The following LTBP3 variants were observed in gnomAD, a reference collection of about 807,000 sequenced individuals.
LTBP3 encodes latent transforming growth factor beta binding protein 3, also known as latent-transforming growth factor beta-binding protein 3.
Under a neutral mutation model 159.7 loss-of-function variants are expected in LTBP3, and 97 were observed. That is an observed-to-expected ratio of 0.61 (90% CI 0.52 to 0.72). The LOEUF is 0.72. LTBP3 is among the 30% of genes least tolerant of loss of function. The probability of loss-of-function intolerance (pLI) is 0.00; values close to 1 mark genes in which losing one functional copy is unlikely to be tolerated. For synonymous variants in LTBP3, 824 were observed against 777.1 expected (o/e 1.06, Z -1.00); for missense variants, 1,584 against 1,864.3 (o/e 0.85, Z 2.77).
chr11:65,549,759 A>AG (rs1451064317), intron 11 of LTBP3, among the ~76,000 whole-genome samples: 24 of 142,454 alleles, frequency 1.7e-4, no homozygotes, highest in Non-Finnish European at 2.2e-4. Context: ...CAGGCCGGGA[A>AG]AAAAAAAAAA....
Position 65,553,975 on chromosome 11 carries a change from G to T in LTBP3, c.662-72C>A. On this transcript the variant is annotated intron_variant, in intron 2 of 27. Coordinates refer to ENST00000301873, the MANE Select transcript of LTBP3 (RefSeq NM_001130144.3). This position sits in a 1 kb window ranked among gnomAD's most constrained non-coding sequence, Gnocchi z 6.5. ...GGTCACCGCGCTGAGCTCCTCCAGG[G>T]CTGAACCTGCCCTGCCCTGGCCACC... The T allele has an allele frequency of 6.4e-7, 1 of 1,569,716 alleles. No individual in the cohort carries two copies. The highest frequency in any genetic ancestry group is 8.6e-7 in the Non-Finnish European group (1 of 1,159,318).
Position 65,557,906 on chromosome 11 carries a change from C to T in LTBP3, c.54G>A (p.Ala18=). 7.9e-7 allele frequency: 1 copy of T among 1,270,438 alleles called. No individual in the cohort carries two copies. Among genetic ancestry groups the T allele is most frequent in the South Asian group, 2.2e-5 (1 of 46,470 alleles). 78.7% of individuals were successfully genotyped at this position (1,270,438 alleles called of 1,614,324 possible). A position where few individuals can be genotyped will look rare whatever the true frequency, so the allele number is the denominator to read the frequency against. The stretch of plus-strand genomic sequence containing the variant: ...GCAGCGCCAGCAGCCCCGCCGCCCC[C>T]GCCCCGCGCATCTCAGGGGCCAGGC... The part of the protein sequence containing the change: ...AGGLAPEMRG[A]GAAGLLALLL... Residue 18 remains alanine (A), a synonymous_variant, in exon 1 of 28, where the codon GCG becomes GCA. Coordinates refer to ENST00000301873, the MANE Select transcript of LTBP3 (RefSeq NM_001130144.3).
At chr11:65,555,977 C>G (rs753397212) in intron 1 of LTBP3, among the ~76,000 whole-genome samples, 1 of 152,120 alleles carries the variant, frequency 6.6e-6, no homozygotes, top group Non-Finnish European at 1.5e-5. Flanking sequence ...GTGTCCTGGG[C>G]GGGGGGAGGT....
chr11:65,538,722 A>G lies in LTBP3; in HGVS notation c.*358T>C. ...ATTTCACACCCCTTGTGCCGGGCTC[A>G]GTCTAGCCCCTGGGAGGCGGCTGGG... is the stretch of plus-strand genomic sequence containing the variant. On this transcript the variant is annotated 3_prime_UTR_variant, in exon 28 of 28. Transcript: ENST00000301873. The G allele has an allele frequency of 2.7e-6, 3 of 1,107,164 alleles. No homozygotes were observed. Among genetic ancestry groups the G allele is most frequent in the Non-Finnish European group, 2.5e-6 (2 of 800,638 alleles). The allele number at this position is 1,107,164 out of a possible 1,614,324, so 68.6% of individuals were successfully genotyped here.
chr11:65,547,612 G>C lies in LTBP3; in HGVS notation c.1979-45C>G. The stretch of plus-strand genomic sequence containing the variant: ...CACGAAGGGGGTGTAGGAGGCGGCG[G>C]GCAAGGGGAGGGATTACACGGCGGT... On this transcript the variant is annotated intron_variant, in intron 13 of 27. Coordinates refer to ENST00000301873, the MANE Select transcript of LTBP3 (RefSeq NM_001130144.3). This position sits in a 1 kb window ranked among gnomAD's most constrained non-coding sequence, Gnocchi z 4.6. 6.2e-7 allele frequency: 1 copy of C among 1,610,870 alleles called. No homozygotes were observed. The highest frequency in any genetic ancestry group is 1.1e-5 in the South Asian group (1 of 91,040).
Position 65,538,905 on chromosome 11 carries a change from C to T in LTBP3, c.*175G>A. The T allele has an allele frequency of 2.4e-6, 3 of 1,239,464 alleles. No individual in the cohort carries two copies. The highest frequency in any genetic ancestry group is 3.1e-6 in the Non-Finnish European group (3 of 964,242). The allele number at this position is 1,239,464 out of a possible 1,614,324, so 76.8% of individuals were successfully genotyped here. A position where few individuals can be genotyped will look rare whatever the true frequency, so the allele number is the denominator to read the frequency against. On this transcript the variant is annotated 3_prime_UTR_variant, in exon 28 of 28. Transcript: ENST00000301873. ...CGCCCGCCGGAGACCTTACAACCGC[C>T]CGCTAACCGGGGAGGGGGGCCGGTA...
rs764625252 is a variant in LTBP3, at chr11:65,538,829, G to A, written c.*251C>T. 30 of 815,198 alleles carry A rather than the reference G, an allele frequency of 3.7e-5. No individual in the cohort carries two copies. Among genetic ancestry groups the A allele is most frequent in the Non-Finnish European group, 5.0e-5 (28 of 560,238 alleles). The allele number at this position is 815,198 out of a possible 1,614,324, so 50.5% of individuals were successfully genotyped here. On this transcript the variant is annotated 3_prime_UTR_variant, in exon 28 of 28. Coordinates refer to ENST00000301873, the MANE Select transcript of LTBP3 (RefSeq NM_001130144.3). ...TCGAAAGCCAAGGGTAAAGAGGCACGATCTGATTTATCAGTTTCTAGGAAA... is the reference window on the plus strand; with the variant it reads ...TCGAAAGCCAAGGGTAAAGAGGCACAATCTGATTTATCAGTTTCTAGGAAA...
In LTBP3 at chr11:65,539,753, C is replaced by A; in HGVS notation, c.3514G>T (p.Ala1172Ser). The A allele has an allele frequency of 6.5e-7, 1 of 1,543,784 alleles. No homozygotes were observed. The highest frequency in any genetic ancestry group is 8.7e-7 in the Non-Finnish European group (1 of 1,151,988). The stretch of plus-strand genomic sequence containing the variant: ...CGCGGCGGGCACGGTCGGCATTGGG[C>A]GCCCCAGCCGCGGCCCTGGCGGCAG... ...CCCRQGRGWG[A>S]QCRPCPPRGA... The change falls in exon 25 of 28, where the codon GCC becomes TCC. Residue 1172 changes from alanine (A) to serine (S), a missense_variant. Physicochemically the swap from Ala to Ser is moderately conservative, Grantham distance 99 (BLOSUM62 1). Around this residue, in one of 6 missense-constraint regions of LTBP3, gnomAD observed 514 missense variants for 530.3 expected, o/e 0.97. Transcript: ENST00000301873.
chr11:65,554,494 A>G lies in LTBP3; in HGVS notation c.332-114T>C, dbSNP rs1429710185. On this transcript the variant is annotated intron_variant, in intron 1 of 27. Transcript: ENST00000301873. This position sits in a 1 kb window ranked among gnomAD's most constrained non-coding sequence, Gnocchi z 5.3. ...CTTGGGAAGCCAGGTTTTGAGATACATCCTACATAGGGAAACTGCCCTCTC... is the reference window on the plus strand; with the variant it reads ...CTTGGGAAGCCAGGTTTTGAGATACGTCCTACATAGGGAAACTGCCCTCTC... 2 of 787,116 alleles carry G rather than the reference A, an allele frequency of 2.5e-6. No homozygotes were observed. Among genetic ancestry groups the G allele is most frequent in the East Asian group, 5.4e-5 (2 of 37,180 alleles). The allele number at this position is 787,116 out of a possible 1,614,324, so 48.8% of individuals were successfully genotyped here.
chr11:65,552,713 G>A lies in LTBP3; in HGVS notation c.1186+147C>T, dbSNP rs185079108. 314 of 1,194,784 alleles carry A rather than the reference G, an allele frequency of 2.6e-4. No individual in the cohort carries two copies. The African/African-American group carries it at 4.2e-3, about 16-fold the overall frequency. The allele number at this position is 1,194,784 out of a possible 1,614,324, so 74.0% of individuals were successfully genotyped here. On this transcript the variant is annotated intron_variant, in intron 6 of 27. Coordinates refer to ENST00000301873, the MANE Select transcript of LTBP3 (RefSeq NM_001130144.3). The surrounding 1 kb of genome is among the most constrained non-coding windows in gnomAD (Gnocchi z 6.0). Reference sequence around the variant, plus strand: ...CTAATGGCAGATCTCATGTGACCCCGGACCCTGCTGATCCCTGATCCTATT... The same window carrying A: ...CTAATGGCAGATCTCATGTGACCCCAGACCCTGCTGATCCCTGATCCTATT...
rs767221669 is a variant in LTBP3, at chr11:65,553,949, G to C, written c.662-46C>G. 7 of 1,527,184 alleles carry C rather than the reference G, an allele frequency of 4.6e-6. No individual in the cohort carries two copies. The African/African-American group carries it at 8.2e-5, about 18-fold the overall frequency. 94.6% of individuals were successfully genotyped at this position (1,527,184 alleles called of 1,614,324 possible). ...CTCAGGGCTGCCCGCACCGCGCCGC[G>C]GGTCACCGCGCTGAGCTCCTCCAGG... On this transcript the variant is annotated intron_variant, in intron 2 of 27. Transcript: ENST00000301873. The surrounding 1 kb of genome is among the most constrained non-coding windows in gnomAD (Gnocchi z 6.5).
rs577688104 is a variant in LTBP3, at chr11:65,545,484, T to C, written c.2353+958A>G. ...AAACATGCCCACGCATGAGGACCCA[T>C]TCCCAGTGAGCAGCACTACCCCCTC... On this transcript the variant is annotated intron_variant, in intron 16 of 27. Transcript: ENST00000301873. The C allele has an allele frequency of 2.6e-5, 6 of 231,638 alleles. No homozygotes were observed. In the South Asian group the frequency reaches 1.1e-3, roughly 42 times the overall value. The allele number at this position is 231,638 out of a possible 1,614,324, so 14.3% of individuals were successfully genotyped here.
At chr11:65,540,731 C>A in intron 21 of LTBP3, 117 bp from the exon 22 acceptor site, 1 of 1,529,384 alleles carries the variant, frequency 6.5e-7, no homozygotes. Flanking sequence ...GGGGCGGGGC[C>A]TACAGGGCGG....
chr11:65,548,554 G>C (rs1052941742), intron 11 of LTBP3: 2 of 195,102 alleles, frequency 1.0e-5, no homozygotes, highest in African/African-American at 2.4e-5. Context: ...TGGTTTCCTG[G>C]GAATCCTAAC....
At chr11:65,540,708 G>A (rs1322492823) in intron 21 of LTBP3, 94 bp from the exon 22 acceptor site, 27 of 1,583,574 alleles carry the variant, frequency 1.7e-5, no homozygotes, top group Non-Finnish European at 1.3e-5. Flanking sequence ...ATCCCCGGGC[G>A]GGGCCTACAG....
At position 65,539,178 on chromosome 11, in the gene LTBP3, G is replaced by C; in HGVS notation, c.3814C>G (p.Arg1272Gly). The C allele has an allele frequency of 6.6e-7, 1 of 1,513,316 alleles. No individual in the cohort carries two copies. Among genetic ancestry groups the C allele is most frequent in the Non-Finnish European group, 8.9e-7 (1 of 1,126,738 alleles). 93.7% of individuals were successfully genotyped at this position (1,513,316 alleles called of 1,614,324 possible). Residue 1272 changes from arginine to glycine, a missense_variant, in exon 28 of 28, where the codon CGC (arginine) becomes GGC (glycine). Transcript: ENST00000301873. ...AAGGAGCCGCTGGTGTTCACGCAGC[G>C]CTCGCTCTTGCACAGCAGCCCGCGC... ...NQRGLLCKSERCVNTSGSFRC... is the reference protein window; with the variant it reads ...NQRGLLCKSEGCVNTSGSFRC...
chr11:65,549,567 C>CTTTTTTTTTTTTTT lies in LTBP3; in HGVS notation c.1721-1536_1721-1523dup, dbSNP rs748132211. ...GCATGCACCACCACGCCCAGCTAATCTTTTTTTTTTTTTTTTTTTTTTTTG... is the reference window on the plus strand; with the variant it reads ...GCATGCACCACCACGCCCAGCTAATCTTTTTTTTTTTTTTTTTTTTTTTTTTTTTTTTTTTTTTG... On this transcript the variant is annotated intron_variant, in intron 11 of 27. Coordinates refer to ENST00000301873, the MANE Select transcript of LTBP3 (RefSeq NM_001130144.3). 3.7e-3 allele frequency among the ~76,000 whole-genome samples: 242 copies of CTTTTTTTTTTTTTT among 64,740 alleles called. 1 individual carries two copies. The highest frequency in any genetic ancestry group is 4.0e-3 in the Admixed American group (17 of 4,262). 42.5% of individuals were successfully genotyped at this position (64,740 alleles called of 152,430 possible). A position where few individuals can be genotyped will look rare whatever the true frequency, so the allele number is the denominator to read the frequency against.
At chr11:65,540,722 G>C in intron 21 of LTBP3, 108 bp from the exon 22 acceptor site, 1 of 1,564,190 alleles carries the variant, frequency 6.4e-7, no homozygotes, top group African/African-American at 1.4e-5. Flanking sequence ...CCTACAGGAG[G>C]GGCGGGGCCT....
Position 65,540,112 on chromosome 11 carries a change from G to A in LTBP3, c.3286C>T (p.Arg1096Cys). 6.6e-7 allele frequency: 1 copy of A among 1,526,518 alleles called. No individual in the cohort carries two copies. The highest frequency in any genetic ancestry group is 8.8e-7 in the Non-Finnish European group (1 of 1,140,362). 94.6% of individuals were successfully genotyped at this position (1,526,518 alleles called of 1,614,324 possible). Residue 1096 changes from arginine to cysteine, a missense_variant, in exon 24 of 28, where the codon CGC (arginine) becomes TGC (cysteine). By Grantham distance (180) the Arg-to-Cys change is radical (BLOSUM62 -3). This residue lies in a region of LTBP3 where 514 missense variants were observed against 530.3 expected (regional missense o/e 0.97). Transcript: ENST00000301873. ...CQDPAACRPG[R>C]CVNLPGSYRC... ...TAGGAGCCCGGCAGGTTGACGCAGC[G>A]GCCAGGGCGGCAGGCTGCCGGGTCC...
Sources: gnomAD v4.1 joint callset for allele counts (sites outside exome capture counted in the v4.1 genomes callset) on GRCh38, gnomAD v4.1.1 for gene constraint, gnomAD v4.1.1 regional missense constraint, Gnocchi (gnomAD v3.1) non-coding constraint, MANE v1.5 for transcripts, NCBI Gene and HGNC (gene_info 2026-07-23, HGNC 2026-07-21) for gene names.